The following SLC12A7 variants were observed in gnomAD, a reference collection of about 807,000 sequenced individuals.
The protein encoded by SLC12A7 is solute carrier family 12 member 7.
Under a neutral mutation model 120.6 loss-of-function variants are expected in SLC12A7, and 100 were observed. That is an observed-to-expected ratio of 0.83 (90% CI 0.71 to 0.98). The LOEUF (loss-of-function observed/expected upper bound fraction) is 0.98, where lower values mean the gene tolerates loss of function less well. Among genes scored for constraint, SLC12A7 ranks in the 50% least tolerant of loss-of-function variants. The pLI, the probability that SLC12A7 is intolerant of heterozygous loss-of-function variation, is 0.00. For missense variants in SLC12A7, 1,373 were observed against 1,548.1 expected, an observed-to-expected ratio of 0.89 and a Z score of 1.90; for synonymous variants, 760 against 678.0, an observed-to-expected ratio of 1.12 and a Z score of -1.88.
chr5:1,118,893 G>A, the SLC12A7 span, among the ~76,000 whole-genome samples: 3 of 152,338 alleles, frequency 2.0e-5, no homozygotes, highest in Admixed American at 6.5e-5. Flanking sequence ...GCCGGCTGGC[G>A]GGAGAGGCAG....
chr5:1,090,317 G>A (rs1262194088), intron 3 of SLC12A7, among the ~76,000 whole-genome samples: 1 of 152,230 alleles, frequency 6.6e-6, no homozygotes, highest in African/African-American at 2.4e-5. Flanking sequence ...TAATGTAAGA[G>A]CAGCTCGGAG....
the SLC12A7 span, among the ~76,000 whole-genome samples, chr5:1,130,816 T>A: frequency 1.3e-5 from 2 of 152,164 alleles, no homozygotes; most frequent in African/African-American, 4.8e-5. Context: ...AGGAGGAGGC[T>A]GAGCTCAGCA....
intron 8 of SLC12A7, 71 bp from the exon 9 acceptor site, chr5:1,081,815 C>T: frequency 6.5e-7 from 1 of 1,546,274 alleles, no homozygotes; most frequent in Non-Finnish European, 8.8e-7. Context: ...GGGCCGCCCA[C>T]TCCCCGGCAG....
At chr5:1,079,344 G>A (rs543764505) in intron 10 of SLC12A7, 54 bp downstream of exon 10, 1 of 1,405,526 alleles carries the variant, frequency 7.1e-7, no homozygotes, top group Non-Finnish European at 1.0e-6. Context: ...GAGGGCATGG[G>A]GGCCTCCCCC....
chr5:1,124,521 G>C, the SLC12A7 span, among the ~76,000 whole-genome samples: 3 of 152,170 alleles, frequency 2.0e-5, no homozygotes, highest in Non-Finnish European at 4.4e-5. Context: ...AAAACTGTGA[G>C]GATTTATCCC....
chr5:1,122,780 A>C, the SLC12A7 span, among the ~76,000 whole-genome samples: 1 of 152,232 alleles, frequency 6.6e-6, no homozygotes, highest in Non-Finnish European at 1.5e-5. Flanking sequence ...TCGAGTGTCC[A>C]CTGTCTGGAC....
chr5:1,109,590 G>C (rs1471675119), intron 1 of SLC12A7, among the ~76,000 whole-genome samples: 1 of 152,230 alleles, frequency 6.6e-6, no homozygotes, highest in Non-Finnish European at 1.5e-5. Flanking sequence ...AAGGCCCCTG[G>C]AGCCAGGCTG....
At chr5:1,058,977 T>C (rs1014441949) in intron 21 of SLC12A7, among the ~76,000 whole-genome samples, 1 of 152,134 alleles carries the variant, frequency 6.6e-6, no homozygotes, top group African/African-American at 2.4e-5. Context: ...CCGCTCCCGG[T>C]CCCTCCTCGG....
rs555221088 is a variant in SLC12A7 at position 1,070,566 on chromosome 5, GC to G, written c.2241+3066del. On this transcript the variant is annotated intron_variant, in intron 17 of 23. Transcript: ENST00000264930. ...CAGCACACGGCATCACACTTATGCA[GC>G]CCCCAGTGAGCCCCCAGCACACGGG... 7.9e-3 allele frequency among the ~76,000 whole-genome samples: 4 copies of G among 508 alleles called. 1 individual carries two copies. The highest frequency in any genetic ancestry group is 0.021 in the African/African-American group (4 of 188). The allele number at this position is 508 out of a possible 152,430, so 0.3% of individuals were successfully genotyped here.
At chr5:1,070,608 GC>G (rs201496148) in intron 17 of SLC12A7, among the ~76,000 whole-genome samples, 1 of 136 alleles carries the variant, frequency 7.4e-3, no homozygotes, top group Admixed American at 0.17. Flanking sequence ...CACTTATGCA[GC>G]CCCCAGTGAG....
At position 1,053,638 on chromosome 5, in the gene SLC12A7, G is replaced by T. The variant is rs77956278; in HGVS notation, c.3027-156C>A. ...TTCTCTGACCCTGAAGGATGCAGAA[G>T]TGGCGGCTCCGAGCGAAAGGCGCTG... is the stretch of plus-strand genomic sequence containing the variant. On this transcript the variant is annotated intron_variant, in intron 22 of 23. Transcript: ENST00000264930. 4.5e-4 allele frequency among the ~76,000 whole-genome samples: 69 copies of T among 152,384 alleles called. No homozygotes were observed. In the East Asian group the frequency reaches 0.012, roughly 26 times the overall value.
intron 23 of SLC12A7, 37 bp from the exon 24 acceptor site, chr5:1,052,488 C>T: frequency 6.5e-7 from 1 of 1,528,754 alleles, no homozygotes; most frequent in Non-Finnish European, 9.1e-7. Context: ...GCTGATCTTA[C>T]CTGAGCGTGT....
chr5:1,110,694 G>T (rs986592349), intron 1 of SLC12A7, among the ~76,000 whole-genome samples: 2 of 152,192 alleles, frequency 1.3e-5, no homozygotes, highest in African/African-American at 4.8e-5. Flanking sequence ...GAGAGAAGGG[G>T]CTTGGACTCA....
the SLC12A7 span, among the ~76,000 whole-genome samples, chr5:1,153,326 T>A: frequency 6.6e-6 from 1 of 152,158 alleles, no homozygotes; most frequent in Non-Finnish European, 1.5e-5. Flanking sequence ...CCATCCAGGA[T>A]TAAGGCAACA....
chr5:1,091,434 G>C (rs912442112), intron 3 of SLC12A7, among the ~76,000 whole-genome samples: 1 of 152,144 alleles, frequency 6.6e-6, no homozygotes, highest in Admixed American at 6.5e-5. Flanking sequence ...GCCTGTTCCC[G>C]GAGCACTCGG....
At chr5:1,102,200 G>A (rs1196335611) in intron 1 of SLC12A7, among the ~76,000 whole-genome samples, 2 of 152,188 alleles carry the variant, frequency 1.3e-5, no homozygotes, top group African/African-American at 2.4e-5. Context: ...CCGGCCAGAG[G>A]AGGGGCAGCC....
chr5:1,148,422 GTC>G, the SLC12A7 span, among the ~76,000 whole-genome samples: 2 of 152,012 alleles, frequency 1.3e-5, no homozygotes, highest in African/African-American at 4.8e-5. Context: ...AGCCAGGATG[GTC>G]TCTATCTCCT....
At chr5:1,146,921 GC>G in the SLC12A7 span, among the ~76,000 whole-genome samples, 1 of 152,092 alleles carries the variant, frequency 6.6e-6, no homozygotes, top group Non-Finnish European at 1.5e-5. This position sits in a 1 kb window ranked among gnomAD's most constrained non-coding sequence, Gnocchi z 6.5. Flanking sequence ...CTGAACTAAG[GC>G]CCAGCTGCAC....
the SLC12A7 span, among the ~76,000 whole-genome samples, chr5:1,123,352 A>G: frequency 1.1e-4 from 16 of 151,916 alleles, no homozygotes; most frequent in Non-Finnish European, 2.4e-4. Context: ...GGAGGGGGCC[A>G]CTCCTGGGCC....
Sources: allele counts gnomAD v4.1 joint callset (sites outside exome capture counted in the v4.1 genomes callset), GRCh38; gene constraint gnomAD v4.1.1; non-coding constraint Gnocchi (gnomAD v3.1); transcripts MANE v1.5; gene names NCBI Gene and HGNC (gene_info 2026-07-23, HGNC 2026-07-21).